The following PCDH9 variants were observed in gnomAD, a reference collection of about 807,000 sequenced individuals.
PCDH9 encodes the protein protocadherin 9, also known as protocadherin-9.
In PCDH9, 24 loss-of-function variants were observed where a neutral mutation model predicts 70.6. The observed-to-expected ratio is 0.34, with a 90% CI of 0.25 to 0.48. PCDH9 has a LOEUF of 0.48. Ranked by LOEUF, PCDH9 falls within the 20% of genes least tolerant of loss-of-function variation. The pLI is 0.99. For synonymous variants in PCDH9, 562 were observed against 558.5 expected (o/e 1.01, Z -0.09); for missense variants, 1,281 against 1,503.6 (o/e 0.85, Z 2.45).
At chr13:66,921,033 A>G (rs1037491037) in intron 2 of PCDH9, among the ~76,000 whole-genome samples, 1 of 151,198 alleles carries the variant, frequency 6.6e-6, no homozygotes, top group Non-Finnish European at 1.5e-5. Flanking sequence ...TTGACTGAAG[A>G]TGATCAATGC....
In PCDH9 at chr13:67,228,553, C is replaced by T; in HGVS notation, c.-113G>A. On this transcript the variant is annotated 5_prime_UTR_variant, in exon 2 of 5. An upstream start codon of the reference 5' UTR is lost. Transcript: ENST00000377865. Reference sequence around the variant, plus strand: ...ATGGACTGGAGGATGCATTATATCTCATCACTTATTTGGAGACAGCCGCTG... The same window carrying T: ...ATGGACTGGAGGATGCATTATATCTTATCACTTATTTGGAGACAGCCGCTG... 1 of 792,768 alleles carries T rather than the reference C, an allele frequency of 1.3e-6. No homozygotes were observed. The highest frequency in any genetic ancestry group is 1.9e-6 in the Non-Finnish European group (1 of 517,924). The allele number at this position is 792,768 out of a possible 1,614,324, so 49.1% of individuals were successfully genotyped here.
At chr13:66,581,140 T>C (rs1157915010) in intron 4 of PCDH9, among the ~76,000 whole-genome samples, 1 of 152,150 alleles carries the variant, frequency 6.6e-6, no homozygotes, top group African/African-American at 2.4e-5. Flanking sequence ...TTGTCACAAA[T>C]AGAAACCATG....
intron 2 of PCDH9, among the ~76,000 whole-genome samples, chr13:66,936,495 C>T (rs2082918097): frequency 6.6e-6 from 1 of 152,050 alleles, no homozygotes; most frequent in South Asian, 2.1e-4. Context: ...ATTATGCCAT[C>T]ATGTTGGGTG....
At position 66,339,914 on chromosome 13, in the gene PCDH9, G is replaced by C. The variant is rs78326543; in HGVS notation, c.3341-34886C>G. Among the ~76,000 whole-genome samples, 1,199 of 152,056 alleles carry C rather than the reference G, an allele frequency of 7.9e-3. 20 individuals are homozygous for C. Among genetic ancestry groups the C allele is most frequent in the African/African-American group, 0.027 (1,136 of 41,520 alleles). ...TTTGTTTCTCTAGGCACATAATTTTGGTTCTCTTTGAAGCTGAATCCCTCA... is the reference window on the plus strand; with the variant it reads ...TTTGTTTCTCTAGGCACATAATTTTCGTTCTCTTTGAAGCTGAATCCCTCA... On this transcript the variant is annotated intron_variant, in intron 4 of 4. Coordinates refer to ENST00000377865, the MANE Select transcript of PCDH9 (RefSeq NM_203487.3).
At chr13:66,381,043 T>C (rs903452792) in intron 4 of PCDH9, among the ~76,000 whole-genome samples, 1 of 152,156 alleles carries the variant, frequency 6.6e-6, no homozygotes, top group Non-Finnish European at 1.5e-5. Flanking sequence ...AGTTACCCCA[T>C]CTTTACTCTT....
chr13:66,621,636 T>C (rs2077422852), intron 4 of PCDH9, among the ~76,000 whole-genome samples: 1 of 152,214 alleles, frequency 6.6e-6, no homozygotes, highest in African/African-American at 2.4e-5. Context: ...AACACTGTTA[T>C]ACAGGATGAT....
intron 4 of PCDH9, among the ~76,000 whole-genome samples, chr13:66,419,911 A>G (rs983699798): frequency 1.3e-5 from 2 of 152,084 alleles, no homozygotes; most frequent in Non-Finnish European, 2.9e-5. Context: ...CTAGCAAGCT[A>G]AGATCCACTG....
intron 3 of PCDH9, among the ~76,000 whole-genome samples, chr13:66,877,912 A>C (rs1479654188): frequency 6.6e-6 from 1 of 152,170 alleles, no homozygotes; most frequent in Admixed American, 6.5e-5. Context: ...CTTTCACCTT[A>C]CTGGGTTCTT....
intron 2 of PCDH9, among the ~76,000 whole-genome samples, chr13:67,071,615 G>T (rs147510495): frequency 6.6e-6 from 1 of 152,018 alleles, no homozygotes; most frequent in Admixed American, 6.6e-5. Flanking sequence ...GCTTTAGGCT[G>T]GGCAGTGACT....
chr13:66,608,249 AT>A (rs2077246803), intron 4 of PCDH9, among the ~76,000 whole-genome samples: 1 of 152,060 alleles, frequency 6.6e-6, no homozygotes, highest in South Asian at 2.1e-4. Context: ...GAGTTTACAC[AT>A]TATCATAGAT....
chr13:66,735,290 T>C (rs979988358), intron 3 of PCDH9, among the ~76,000 whole-genome samples: 2 of 152,214 alleles, frequency 1.3e-5, no homozygotes, highest in Non-Finnish European at 1.5e-5. Context: ...CAAAATCTTG[T>C]ATTTCTAAAG....
intron 2 of PCDH9, among the ~76,000 whole-genome samples, chr13:67,074,608 A>G (rs928808860): frequency 6.6e-6 from 1 of 152,170 alleles, no homozygotes; most frequent in Admixed American, 6.6e-5. Flanking sequence ...AGTACCACTC[A>G]AGAAGTTGTT....
At chr13:67,124,599 C>T (rs186897498) in intron 2 of PCDH9, among the ~76,000 whole-genome samples, 86 of 152,218 alleles carry the variant, frequency 5.6e-4, no homozygotes, top group African/African-American at 2.0e-3. Flanking sequence ...TTATGATAGA[C>T]TCAAAGCACT....
intron 2 of PCDH9, among the ~76,000 whole-genome samples, chr13:67,086,058 C>A (rs1414419015): frequency 6.6e-6 from 1 of 152,124 alleles, no homozygotes; most frequent in Non-Finnish European, 1.5e-5. Flanking sequence ...GAGGCAAATT[C>A]TATACAAGCA....
chr13:67,185,320 G>A (rs2088724668), intron 2 of PCDH9, among the ~76,000 whole-genome samples: 1 of 152,154 alleles, frequency 6.6e-6, no homozygotes, highest in African/African-American at 2.4e-5. Flanking sequence ...AACTGTGTAT[G>A]AGGAAATAGC....
chr13:66,695,295 TA>T (rs1262026244), intron 3 of PCDH9, among the ~76,000 whole-genome samples: 1 of 152,194 alleles, frequency 6.6e-6, no homozygotes, highest in Non-Finnish European at 1.5e-5. Flanking sequence ...ATCTGAGAAT[TA>T]AGGCCTGTGA....
intron 2 of PCDH9, among the ~76,000 whole-genome samples, chr13:67,032,300 C>T (rs1048814536): frequency 6.6e-6 from 1 of 151,906 alleles, no homozygotes; most frequent in Admixed American, 6.6e-5. Flanking sequence ...CATGACCCCA[C>T]ACATACAACT....
chr13:66,934,945 C>T (rs1262388496), intron 2 of PCDH9, among the ~76,000 whole-genome samples: 2 of 151,318 alleles, frequency 1.3e-5, no homozygotes, highest in Admixed American at 6.6e-5. Context: ...TGGTCTCGAT[C>T]TCCTGACCTC....
At position 66,667,603 on chromosome 13, in the gene PCDH9, T is replaced by A. The variant is rs75150310; in HGVS notation, c.3139-36192A>T. ...GTGTTTTATTACTTAGTAGCTTTTA[T>A]AACTCCTTTTGAATTATGAAATCAT... On this transcript the variant is annotated intron_variant, in intron 3 of 4. Coordinates refer to ENST00000377865, the MANE Select transcript of PCDH9 (RefSeq NM_203487.3). Among the ~76,000 whole-genome samples the A allele has an allele frequency of 7.0e-4, 106 of 152,276 alleles. 2 individuals carry two copies. The East Asian group carries it at 0.019, about 28-fold the overall frequency.
Sources: allele counts gnomAD v4.1 joint callset (sites outside exome capture counted in the v4.1 genomes callset), GRCh38; gene constraint gnomAD v4.1.1; transcripts MANE v1.5; gene names NCBI Gene and HGNC (gene_info 2026-07-23, HGNC 2026-07-21).